Variants in DAW1 observed in about 807,000 individuals in gnomAD.
The protein encoded by DAW1 is dynein assembly factor with WD repeat domains 1.
In DAW1, 47 loss-of-function variants were observed where a neutral mutation model predicts 56.5. The observed-to-expected ratio is 0.83, with a 90% CI of 0.66 to 1.06. The LOEUF (loss-of-function observed/expected upper bound fraction) is 1.06. Among genes scored for constraint, DAW1 ranks in the 50% least tolerant of loss-of-function variants. The pLI, the probability that DAW1 is intolerant of heterozygous loss-of-function variation, is 0.00. For missense variants in DAW1, 505 were observed against 499.3 expected (o/e 1.01, Z -0.11); for synonymous variants, 190 against 179.0 (o/e 1.06, Z -0.49).
Position 227,898,263 on chromosome 2 carries a change from G to A in DAW1, c.522G>A (p.Arg174=). Reference sequence around the variant, plus strand: ...CAGGAAAATGTTACCATACCTTCAGGGGTCATACAGCAGAAATAGTGAGTA... The same window carrying A: ...CAGGAAAATGTTACCATACCTTCAGAGGTCATACAGCAGAAATAGTGAGTA... ...VETGKCYHTF[R]GHTAEIVCLS... is the part of the protein sequence containing the mutation. The change falls in exon 6 of 13, where the codon AGG becomes AGA. Residue 174 remains arginine, a synonymous_variant. Transcript: ENST00000309931. 1 of 1,545,950 alleles carries A rather than the reference G, an allele frequency of 6.5e-7. No homozygotes were observed. The highest frequency in any genetic ancestry group is 8.8e-7 in the Non-Finnish European group (1 of 1,141,490).
chr2:227,903,446 G>A (rs1691598752), intron 7 of DAW1, among the ~76,000 whole-genome samples: 1 of 152,182 alleles, frequency 6.6e-6, no homozygotes, highest in South Asian at 2.1e-4. Flanking sequence ...AATCCTTAGA[G>A]CAATGACTGT....
At chr2:227,898,635 ATGT>A (rs1209422729) in intron 6 of DAW1, among the ~76,000 whole-genome samples, 3 of 151,952 alleles carry the variant, frequency 2.0e-5, no homozygotes, top group Non-Finnish European at 4.4e-5. Context: ...ATTATATTTT[ATGT>A]TGCTGTTTCT....
At chr2:227,899,058 C>T (rs796847532) in intron 6 of DAW1, among the ~76,000 whole-genome samples, 7 of 152,194 alleles carry the variant, frequency 4.6e-5, no homozygotes, top group African/African-American at 1.7e-4. Context: ...ATTGGGAAGC[C>T]CTTGTCCTTG....
intron 10 of DAW1, chr2:227,912,234 T>C: frequency 2.2e-6 from 1 of 456,488 alleles, no homozygotes; most frequent in Non-Finnish European, 4.1e-6. Context: ...CTTCTTTCTC[T>C]TTTTCTTTTT....
chr2:227,908,834 G>A (rs191144378), intron 10 of DAW1, among the ~76,000 whole-genome samples: 13 of 152,148 alleles, frequency 8.5e-5, no homozygotes, highest in Non-Finnish European at 1.8e-4. Flanking sequence ...CATGCGTGAT[G>A]CTATTCTGTG....
chr2:227,881,995 A>T (rs1407165092), intron 1 of DAW1, among the ~76,000 whole-genome samples: 1 of 151,830 alleles, frequency 6.6e-6, no homozygotes, highest in Non-Finnish European at 1.5e-5. Flanking sequence ...CAAGTGATCC[A>T]CCTGCCTTGG....
At position 227,921,305 on chromosome 2, in the gene DAW1, CTTTTTTTTTTT is replaced by C. The variant is rs556409280; in HGVS notation, c.1051-76_1051-66del. On this transcript the variant is annotated intron_variant, in intron 11 of 12. Coordinates refer to ENST00000309931, the MANE Select transcript of DAW1 (RefSeq NM_178821.3). The stretch of plus-strand genomic sequence containing the variant: ...GGAAGGTGACATGTGCTGTAATGTC[CTTTTTTTTTTT>C]TTTTTTTTTTTTTTTTTGCTGATAA... The C allele has an allele frequency of 4.6e-3, 2,010 of 436,368 alleles. 65 individuals carry two copies. In the African/African-American group the frequency reaches 0.08, roughly 17 times the overall value. 27.0% of individuals were successfully genotyped at this position (436,368 alleles called of 1,614,324 possible). A position where few individuals can be genotyped will look rare whatever the true frequency, so the allele number is the denominator to read the frequency against.
intron 8 of DAW1, among the ~76,000 whole-genome samples, chr2:227,905,909 C>A (rs930597459): frequency 7.2e-5 from 11 of 152,140 alleles, no homozygotes; most frequent in Non-Finnish European, 1.0e-4. Flanking sequence ...CGCCCACCAC[C>A]ACGCCTGGCT....
chr2:227,913,506 A>G (rs1691877894), intron 10 of DAW1, among the ~76,000 whole-genome samples: 1 of 152,140 alleles, frequency 6.6e-6, no homozygotes, highest in Admixed American at 6.5e-5. Context: ...GACATTTATG[A>G]TGCCATAATA....
chr2:227,912,493 AT>A, intron 10 of DAW1: 1 of 1,299,752 alleles, frequency 7.7e-7, no homozygotes, highest in South Asian at 1.2e-5. Context: ...TGTGTTCCTT[AT>A]CTTCTTGATG....
intron 5 of DAW1, among the ~76,000 whole-genome samples, chr2:227,897,102 A>G (rs1691429032): frequency 6.6e-6 from 1 of 151,640 alleles, no homozygotes; most frequent in Non-Finnish European, 1.5e-5. Context: ...AGAAAAAAAA[A>G]AAAAAAAAAG....
intron 4 of DAW1, among the ~76,000 whole-genome samples, chr2:227,893,004 G>A (rs186147121): frequency 7.2e-4 from 109 of 151,688 alleles, no homozygotes; most frequent in Admixed American, 1.4e-3. Flanking sequence ...GTGTGGTGGC[G>A]CACGCCTGTA....
chr2:227,891,199 A>C, intron 3 of DAW1, 56 bp from the exon 4 acceptor site: 1 of 1,504,494 alleles, frequency 6.6e-7, no homozygotes. Flanking sequence ...TTGAAGTTAT[A>C]ACTAACAAAT....
Position 227,885,539 on chromosome 2 carries a change from T to G in DAW1, c.113+116T>G, listed in dbSNP as rs899563097. 1.1e-5 allele frequency: 7 copies of G among 663,774 alleles called. No individual in the cohort carries two copies. The African/African-American group carries it at 1.1e-4, about 11-fold the overall frequency. The allele number at this position is 663,774 out of a possible 1,614,324, so 41.1% of individuals were successfully genotyped here. ...ATACATTATGTTTTAAAAATTGTTC[T>G]TCTGTGGTGTGTTAGTTTCTGTTTG... On this transcript the variant is annotated intron_variant, in intron 2 of 12. Coordinates refer to ENST00000309931, the MANE Select transcript of DAW1 (RefSeq NM_178821.3).
intron 2 of DAW1, among the ~76,000 whole-genome samples, chr2:227,888,502 G>C (rs1040744797): frequency 6.6e-6 from 1 of 152,246 alleles, no homozygotes; most frequent in African/African-American, 2.4e-5. Flanking sequence ...AGCTAGAGGA[G>C]TGCCTCACAG....
chr2:227,876,476 A>G (rs1690885387), intron 1 of DAW1: 1 of 1,302,838 alleles, frequency 7.7e-7, no homozygotes, highest in Non-Finnish European at 1.0e-6. Flanking sequence ...CAAGTTTCCA[A>G]GATACTACTG....
intron 2 of DAW1, 31 bp downstream of exon 2, chr2:227,885,454 T>G (rs200078782): frequency 1.3e-6 from 2 of 1,542,632 alleles, no homozygotes; most frequent in South Asian, 2.4e-5. Flanking sequence ...AACAAATAAA[T>G]GTTCACTGGG....
At chr2:227,919,460 A>T (rs544322905) in intron 11 of DAW1, among the ~76,000 whole-genome samples, 1 of 152,314 alleles carries the variant, frequency 6.6e-6, no homozygotes, top group Admixed American at 6.5e-5. Flanking sequence ...CAATTTAAGG[A>T]GCGTGTAAAC....
intron 4 of DAW1, among the ~76,000 whole-genome samples, chr2:227,891,724 G>A (rs1409537676): frequency 6.6e-6 from 1 of 152,204 alleles, no homozygotes; most frequent in African/African-American, 2.4e-5. Context: ...GAGCTGACGT[G>A]CTAGGTAGGA....
Sources: allele counts gnomAD v4.1 joint callset (sites outside exome capture counted in the v4.1 genomes callset), GRCh38; gene constraint gnomAD v4.1.1; transcripts MANE v1.5; gene names NCBI Gene and HGNC (gene_info 2026-07-23, HGNC 2026-07-21).